DIAPH2: variants seen among roughly 807,000 people sequenced by gnomAD.
The protein encoded by DIAPH2 is protein diaphanous homolog 2.
In DIAPH2, 35 loss-of-function variants were observed where a neutral mutation model predicts 92.7. The ratio of observed to expected loss-of-function variants is 0.38; its 90% CI spans 0.29 to 0.50. The LOEUF (loss-of-function observed/expected upper bound fraction) is 0.50. Ranked by LOEUF, DIAPH2 falls within the 20% of genes least tolerant of loss-of-function variation. DIAPH2 has a pLI of 0.94. For synonymous variants in DIAPH2, 301 were observed against 280.4 expected, an observed-to-expected ratio of 1.07 and a Z score of -0.73; for missense variants, 701 against 819.5, an observed-to-expected ratio of 0.86 and a Z score of 1.77.
intron 23 of DIAPH2, among the ~76,000 whole-genome samples, chrX:97,276,131 G>C (rs1020096629): frequency 6.3e-5 from 7 of 111,231 alleles, no homozygotes; most frequent in African/African-American, 2.3e-4. Context: ...ACGAAAACCA[G>C]TCAGGCGTGG....
chrX:97,228,063 G>A (rs925155085), intron 22 of DIAPH2, among the ~76,000 whole-genome samples: 2 of 110,720 alleles, frequency 1.8e-5, no homozygotes, highest in African/African-American at 6.6e-5. Context: ...ATTATGCTAT[G>A]CTAATTTTTA....
intron 9 of DIAPH2, among the ~76,000 whole-genome samples, chrX:96,920,640 G>A (rs2068020102): frequency 8.9e-6 from 1 of 111,819 alleles, no homozygotes; most frequent in Admixed American, 9.5e-5. Context: ...ATACTTTGAA[G>A]GGATGCCTCT....
At chrX:96,884,671 G>T (rs372688483) in intron 5 of DIAPH2, 1 of 1,207,988 alleles carries the variant, frequency 8.3e-7, no homozygotes, top group African/African-American at 1.8e-5. Flanking sequence ...TCCATTGTCA[G>T]TCGGAGTATA....
chrX:97,166,899 A>G (rs929768035), intron 22 of DIAPH2, among the ~76,000 whole-genome samples: 1 of 112,160 alleles, frequency 8.9e-6, no homozygotes, highest in Non-Finnish European at 1.9e-5. Flanking sequence ...TACATAAATA[A>G]TCTATTGTCT....
At chrX:97,203,052 A>G (rs1271092218) in intron 22 of DIAPH2, among the ~76,000 whole-genome samples, 1 of 111,915 alleles carries the variant, frequency 8.9e-6, no homozygotes, top group African/African-American at 3.2e-5. Context: ...AAATCGTACA[A>G]CCTCCTCCTG....
intron 5 of DIAPH2, among the ~76,000 whole-genome samples, chrX:96,912,023 G>A (rs1037046999): frequency 1.8e-5 from 2 of 111,486 alleles, no homozygotes; most frequent in Admixed American, 9.6e-5. Context: ...TTGACTTAGG[G>A]GTATGGAGAC....
chrX:97,166,741 A>G (rs773349631), intron 22 of DIAPH2, among the ~76,000 whole-genome samples: 1 of 111,854 alleles, frequency 8.9e-6, no homozygotes, highest in Non-Finnish European at 1.9e-5. Flanking sequence ...GCACCCAGCT[A>G]AAGAAATACA....
At chrX:97,549,530 T>G (rs941270462) in intron 26 of DIAPH2, among the ~76,000 whole-genome samples, 2 of 111,512 alleles carry the variant, frequency 1.8e-5, no homozygotes, top group African/African-American at 6.5e-5. Context: ...ATGATGCCCC[T>G]TCACCCCTGA....
intron 23 of DIAPH2, among the ~76,000 whole-genome samples, chrX:97,266,064 G>A (rs1419888437): frequency 2.7e-5 from 3 of 111,886 alleles, no homozygotes; most frequent in Non-Finnish European, 5.6e-5. Flanking sequence ...CAGAACATGT[G>A]TGTGTATATA....
At chrX:96,898,405 A>G (rs1306610685) in intron 5 of DIAPH2, among the ~76,000 whole-genome samples, 3 of 86,748 alleles carry the variant, frequency 3.5e-5, no homozygotes, top group African/African-American at 1.1e-4. Flanking sequence ...CTGACTTTTT[A>G]ATGATTGCCA....
intron 26 of DIAPH2, among the ~76,000 whole-genome samples, chrX:97,430,038 G>A (rs2070110157): frequency 9.0e-6 from 1 of 111,551 alleles, no homozygotes; most frequent in Non-Finnish European, 1.9e-5. Flanking sequence ...TGTGGTTTAG[G>A]TGGAAAGTAG....
chrX:97,355,699 G>T (rs1019323518), intron 24 of DIAPH2, among the ~76,000 whole-genome samples: 12 of 110,895 alleles, frequency 1.1e-4, no homozygotes, highest in Non-Finnish European at 1.7e-4. Flanking sequence ...GAATTCAGAG[G>T]GGGTGTCCTT....
chrX:97,013,772 A>G (rs943412006), intron 17 of DIAPH2, among the ~76,000 whole-genome samples: 2 of 112,260 alleles, frequency 1.8e-5, no homozygotes, highest in Non-Finnish European at 3.8e-5. Context: ...TGAGATAACA[A>G]ATCTGGCACC....
chrX:96,705,630 A>G (rs1244599134), intron 1 of DIAPH2, among the ~76,000 whole-genome samples: 1 of 112,379 alleles, frequency 8.9e-6, no homozygotes, highest in Admixed American at 9.4e-5. Context: ...AATTATAACC[A>G]TCTCCACACT....
At chrX:97,263,327 G>A (rs1031615230) in intron 23 of DIAPH2, among the ~76,000 whole-genome samples, 2 of 111,384 alleles carry the variant, frequency 1.8e-5, no homozygotes, top group African/African-American at 6.5e-5. Flanking sequence ...CAGTTATTCA[G>A]TGAAATCTCA....
chrX:97,045,956 C>T (rs935101473), intron 17 of DIAPH2, among the ~76,000 whole-genome samples: 10 of 102,907 alleles, frequency 9.7e-5, no homozygotes, highest in African/African-American at 2.9e-4. Flanking sequence ...CGGGTTCAAG[C>T]GATTCTCGTG....
At chrX:97,321,014 T>C (rs1474626926) in intron 23 of DIAPH2, among the ~76,000 whole-genome samples, 1 of 111,910 alleles carries the variant, frequency 8.9e-6, no homozygotes, top group African/African-American at 3.2e-5. Context: ...CAGTTATCCT[T>C]TATGACATAA....
At chrX:96,698,191 T>C (rs2063835416) in intron 1 of DIAPH2, among the ~76,000 whole-genome samples, 2 of 112,305 alleles carry the variant, frequency 1.8e-5, no homozygotes, top group Non-Finnish European at 3.8e-5. Context: ...GAGGTTACAT[T>C]GCAAGTTATA....
intron 17 of DIAPH2, among the ~76,000 whole-genome samples, chrX:96,973,688 C>CTT (rs1169211955): frequency 0.024 from 1,096 of 46,608 alleles, 50 homozygotes; most frequent in African/African-American, 0.063. Flanking sequence ...TGAATATTTG[C>CTT]TTTTTTTTTT....
Sources: allele counts gnomAD v4.1 joint callset (sites outside exome capture counted in the v4.1 genomes callset), GRCh38; gene constraint gnomAD v4.1.1; transcripts MANE v1.5; gene names NCBI Gene and HGNC (gene_info 2026-07-23, HGNC 2026-07-21).